AMBRA1: variants seen among roughly 807,000 people sequenced by gnomAD.
The protein encoded by AMBRA1 is activating molecule in BECN1-regulated autophagy protein 1.
Under a neutral mutation model 125.4 loss-of-function variants are expected in AMBRA1, and 47 were observed. The ratio of observed to expected loss-of-function variants is 0.37; its 90% CI spans 0.30 to 0.48. The LOEUF (loss-of-function observed/expected upper bound fraction) is 0.48, where lower values mean the gene tolerates loss of function less well. Ranked by LOEUF, AMBRA1 falls within the 20% of genes least tolerant of loss-of-function variation. The pLI is 0.99. For missense variants in AMBRA1, 1,331 were observed against 1,693.4 expected (o/e 0.79, Z 3.76); for synonymous variants, 626 against 655.5 (o/e 0.95, Z 0.69).
At chr11:46,399,654 C>T (rs1945627662) in intron 17 of AMBRA1, among the ~76,000 whole-genome samples, 1 of 152,208 alleles carries the variant, frequency 6.6e-6, no homozygotes, top group Non-Finnish European at 1.5e-5. Flanking sequence ...CGTGAGCCAC[C>T]GTGCCTGGTC....
At chr11:46,475,755 G>A (rs562680369) in intron 11 of AMBRA1, among the ~76,000 whole-genome samples, 13 of 152,300 alleles carry the variant, frequency 8.5e-5, no homozygotes, top group South Asian at 2.1e-4. Flanking sequence ...CTCTGGATAC[G>A]AGAATCCCGT....
At chr11:46,590,239 T>C (rs983136086) in intron 1 of AMBRA1, among the ~76,000 whole-genome samples, 1 of 151,726 alleles carries the variant, frequency 6.6e-6, no homozygotes, top group Non-Finnish European at 1.5e-5. Context: ...GGTGCGGTGG[T>C]GCGCACCTGT....
intron 1 of AMBRA1, among the ~76,000 whole-genome samples, chr11:46,579,313 C>T (rs1176305110): frequency 1.3e-5 from 2 of 151,880 alleles, no homozygotes; most frequent in South Asian, 2.1e-4. Context: ...CAAAATTAGC[C>T]GTGTGTGGTG....
chr11:46,438,622 T>C (rs1192624099), intron 12 of AMBRA1, among the ~76,000 whole-genome samples: 1 of 152,198 alleles, frequency 6.6e-6, no homozygotes, highest in African/African-American at 2.4e-5. Context: ...ATAAGGCCTG[T>C]ACAGAGCTCC....
At chr11:46,424,129 A>G (rs1292124246) in intron 14 of AMBRA1, among the ~76,000 whole-genome samples, 1 of 152,214 alleles carries the variant, frequency 6.6e-6, no homozygotes, top group Non-Finnish European at 1.5e-5. Context: ...AAATTTTTAA[A>G]AAATCAAAAT....
intron 17 of AMBRA1, among the ~76,000 whole-genome samples, chr11:46,407,316 G>T (rs960773860): frequency 6.6e-6 from 1 of 152,224 alleles, no homozygotes; most frequent in Non-Finnish European, 1.5e-5. Context: ...TGAGAGGTTT[G>T]CCTCCTACTG....
chr11:46,410,125 C>CA, intron 16 of AMBRA1, 151 bp downstream of exon 16: 1 of 687,732 alleles, frequency 1.5e-6, no homozygotes, highest in South Asian at 1.7e-5. Flanking sequence ...ACACTTTTCT[C>CA]AAATGAAACT....
intron 7 of AMBRA1, among the ~76,000 whole-genome samples, chr11:46,529,630 C>G (rs555173274): frequency 6.6e-6 from 1 of 152,308 alleles, no homozygotes; most frequent in East Asian, 1.9e-4. Flanking sequence ...ACTAAGGCAT[C>G]AAGAAAGTCC....
Position 46,542,159 on chromosome 11 carries a change from C to G in AMBRA1, c.1858G>C (p.Glu620Gln), listed in dbSNP as rs745907567. The G allele has an allele frequency of 2.5e-6, 4 of 1,613,602 alleles. No homozygotes were observed. The highest frequency in any genetic ancestry group is 3.4e-6 in the Non-Finnish European group (4 of 1,179,738). The change falls in exon 7 of 18, where the codon GAG (glutamate) becomes CAG (glutamine). Residue 620 changes from glutamate (E) to glutamine (Q), a missense_variant. By Grantham distance (29) the Glu-to-Gln change is conservative (BLOSUM62 2). Around this residue, in one of 4 missense-constraint regions of AMBRA1, gnomAD observed 689 missense variants for 776.5 expected, o/e 0.89. Coordinates refer to ENST00000683756, the MANE Select transcript of AMBRA1 (RefSeq NM_001387011.1). The surrounding 1 kb of genome is among the most constrained non-coding windows in gnomAD (Gnocchi z 5.9). ...CTGGGCGTTTGGCCCTCAGTCCGCT[C>G]GAGAGGTGGCAACTGGCTGCCACTT... ...PSSGSQLPPLERTEGQTPSSS... is the reference protein window; with the variant it reads ...PSSGSQLPPLQRTEGQTPSSS...
At chr11:46,472,807 A>T (rs1354400599) in intron 11 of AMBRA1, among the ~76,000 whole-genome samples, 1 of 152,212 alleles carries the variant, frequency 6.6e-6, no homozygotes. Flanking sequence ...TATGTCACTG[A>T]GTCACTGAGC....
At chr11:46,443,332 C>G (rs1948110659) in intron 12 of AMBRA1, among the ~76,000 whole-genome samples, 156 bp downstream of exon 12, 1 of 152,128 alleles carries the variant, frequency 6.6e-6, no homozygotes, top group Non-Finnish European at 1.5e-5. Flanking sequence ...GGTTAATGGA[C>G]CTGAAAAGAA....
chr11:46,590,515 T>C (rs2044559429), intron 1 of AMBRA1, among the ~76,000 whole-genome samples: 1 of 152,104 alleles, frequency 6.6e-6, no homozygotes, highest in African/African-American at 2.4e-5. Flanking sequence ...AAATAATCAA[T>C]TGTTTTCTAA....
chr11:46,555,031 C>T (rs568598473), intron 1 of AMBRA1, among the ~76,000 whole-genome samples: 1 of 152,078 alleles, frequency 6.6e-6, no homozygotes, highest in East Asian at 1.9e-4. Context: ...ATGATTGCAC[C>T]GCTGCACTCT....
At chr11:46,589,140 A>G (rs1026147177) in intron 1 of AMBRA1, among the ~76,000 whole-genome samples, 14 of 152,222 alleles carry the variant, frequency 9.2e-5, no homozygotes, top group Admixed American at 5.9e-4. Context: ...TCTCCTGATT[A>G]CTTAATCTAT....
At chr11:46,428,936 G>A in intron 14 of AMBRA1, 1 of 1,612,144 alleles carries the variant, frequency 6.2e-7, no homozygotes, top group South Asian at 1.1e-5. Context: ...ACCCTCATTG[G>A]TAAGGTACCA....
intron 11 of AMBRA1, among the ~76,000 whole-genome samples, chr11:46,488,099 C>T (rs546857784): frequency 3.3e-5 from 5 of 152,192 alleles, no homozygotes; most frequent in Non-Finnish European, 5.9e-5. Flanking sequence ...TCATCAGGAA[C>T]ACATATCAGT....
chr11:46,579,045 TAAAA>T (rs11393945), intron 1 of AMBRA1, among the ~76,000 whole-genome samples: 2 of 68,040 alleles, frequency 2.9e-5, no homozygotes, highest in East Asian at 4.3e-4. Context: ...AAGAAAGCAA[TAAAA>T]AAAAAAAAAA....
At chr11:46,443,997 A>G (rs1395434060) in intron 11 of AMBRA1, among the ~76,000 whole-genome samples, 1 of 152,244 alleles carries the variant, frequency 6.6e-6, no homozygotes. Context: ...GCAGCATTTC[A>G]GTCCCTGGAC....
At chr11:46,435,648 C>T (rs768834226) in intron 12 of AMBRA1, among the ~76,000 whole-genome samples, 1 of 152,228 alleles carries the variant, frequency 6.6e-6, no homozygotes. Context: ...AGCCCAGCTG[C>T]GGCTGGATGG....
Sources: allele counts gnomAD v4.1 joint callset (sites outside exome capture counted in the v4.1 genomes callset), GRCh38; gene constraint gnomAD v4.1.1; regional missense constraint gnomAD v4.1.1; non-coding constraint Gnocchi (gnomAD v3.1); transcripts MANE v1.5; gene names NCBI Gene and HGNC (gene_info 2026-07-23, HGNC 2026-07-21).